The following VDAC1 variants were observed in gnomAD, a reference collection of about 807,000 sequenced individuals.
VDAC1 encodes voltage dependent anion channel 1, also known as non-selective voltage-gated ion channel VDAC1.
VDAC1 carries 10 observed loss-of-function variants against 34.7 expected under a neutral mutation model. The observed-to-expected ratio is 0.29, with a 90% confidence interval of 0.18 to 0.49. The LOEUF (loss-of-function observed/expected upper bound fraction) is 0.49. VDAC1 is among the 20% of genes least tolerant of loss of function. The probability of loss-of-function intolerance (pLI) is 0.99; values close to 1 mark genes in which losing one functional copy is unlikely to be tolerated. For missense variants in VDAC1, 230 were observed against 347.9 expected, an observed-to-expected ratio of 0.66 and a Z score of 2.69; for synonymous variants, 130 against 136.0, an observed-to-expected ratio of 0.96 and a Z score of 0.30.
At chr5:134,056,938 A>T in the VDAC1 span, among the ~76,000 whole-genome samples, 2 of 150,316 alleles carry the variant, frequency 1.3e-5, no homozygotes, top group Non-Finnish European at 3.0e-5. Context: ...CCCCCTCTCC[A>T]CCAGCCTCCC....
the VDAC1 span, among the ~76,000 whole-genome samples, chr5:134,072,326 T>C: frequency 6.6e-6 from 1 of 152,196 alleles, no homozygotes; most frequent in Non-Finnish European, 1.5e-5. Flanking sequence ...AGCCAGACTC[T>C]GTCCCACTGA....
chr5:133,985,933 TG>T (rs35172865), intron 5 of VDAC1, among the ~76,000 whole-genome samples: 1 of 152,222 alleles, frequency 6.6e-6, no homozygotes, highest in Non-Finnish European at 1.5e-5. Context: ...CCAGTTGACA[TG>T]GCACCCCCAC....
chr5:134,095,194 A>G, the VDAC1 span, among the ~76,000 whole-genome samples: 3 of 152,332 alleles, frequency 2.0e-5, no homozygotes, highest in Non-Finnish European at 4.4e-5. Context: ...CAAAAATCCA[A>G]GAGGAGGCTG....
chr5:134,068,386 A>T, the VDAC1 span, among the ~76,000 whole-genome samples: 3 of 144,488 alleles, frequency 2.1e-5, no homozygotes, highest in Non-Finnish European at 4.5e-5. Flanking sequence ...CAATGAGGGG[A>T]TGTATGTGAA....
chr5:133,995,830 C>G (rs551751956), intron 1 of VDAC1, among the ~76,000 whole-genome samples: 3 of 152,138 alleles, frequency 2.0e-5, no homozygotes, highest in African/African-American at 7.2e-5. Flanking sequence ...TTTTCTAAGG[C>G]GAGGACTGGA....
At chr5:134,039,576 G>A in the VDAC1 span, among the ~76,000 whole-genome samples, 32 of 152,150 alleles carry the variant, frequency 2.1e-4, no homozygotes, top group South Asian at 4.1e-4. Context: ...TGATCCGCCC[G>A]CCTTGGCCTC....
chr5:134,076,006 A>G, the VDAC1 span, among the ~76,000 whole-genome samples: 2 of 151,578 alleles, frequency 1.3e-5, no homozygotes, highest in Admixed American at 6.6e-5. Flanking sequence ...TTTGAGATGG[A>G]GTCTCCCTCT....
chr5:134,085,268 C>T, the VDAC1 span, among the ~76,000 whole-genome samples: 1 of 151,944 alleles, frequency 6.6e-6, no homozygotes, highest in Non-Finnish European at 1.5e-5. Flanking sequence ...CAGGGTTTCA[C>T]CATGTTAGCC....
chr5:134,033,251 G>A, the VDAC1 span, among the ~76,000 whole-genome samples: 20 of 147,958 alleles, frequency 1.4e-4, no homozygotes, highest in East Asian at 2.0e-3. Flanking sequence ...TCCACCTCCC[G>A]GGTTCAAGCG....
the VDAC1 span, among the ~76,000 whole-genome samples, chr5:134,077,161 C>T: frequency 6.6e-6 from 1 of 151,122 alleles, no homozygotes; most frequent in South Asian, 2.1e-4. Context: ...CCTGTAATCC[C>T]AGCTACTTGG....
chr5:134,056,534 G>T, the VDAC1 span, among the ~76,000 whole-genome samples: 1 of 151,016 alleles, frequency 6.6e-6, no homozygotes, highest in African/African-American at 2.4e-5. Context: ...TCACCTCCTG[G>T]GCTCAAGTGA....
intron 6 of VDAC1, among the ~76,000 whole-genome samples, chr5:133,979,217 G>C (rs1752593261): frequency 6.6e-6 from 1 of 152,056 alleles, no homozygotes. Flanking sequence ...ATATGTGGGG[G>C]AAATGGCTAA....
the VDAC1 span, among the ~76,000 whole-genome samples, chr5:134,111,609 T>C: frequency 2.6e-5 from 4 of 152,144 alleles, no homozygotes; most frequent in Non-Finnish European, 5.9e-5. Context: ...AGCAAAGGTC[T>C]TGGGCCCCCT....
chr5:134,045,744 T>G, the VDAC1 span, among the ~76,000 whole-genome samples: 1 of 152,008 alleles, frequency 6.6e-6, no homozygotes, highest in Admixed American at 6.6e-5. Context: ...GGTGCGATCC[T>G]GGCTCACTGC....
the VDAC1 span, among the ~76,000 whole-genome samples, chr5:134,072,066 G>A: frequency 1.3e-5 from 2 of 152,140 alleles, no homozygotes; most frequent in South Asian, 4.1e-4. Context: ...GGGTTCTCAA[G>A]TAGCTGAGCA....
chr5:134,007,424 G>A (rs1753774370), upstream of VDAC1, among the ~76,000 whole-genome samples: 1 of 152,072 alleles, frequency 6.6e-6, no homozygotes, highest in South Asian at 2.1e-4. Flanking sequence ...CACAGAGCAA[G>A]TTCCCGTCTC....
the VDAC1 span, among the ~76,000 whole-genome samples, chr5:134,028,131 T>C: frequency 6.6e-6 from 1 of 150,786 alleles, no homozygotes; most frequent in African/African-American, 2.4e-5. Context: ...CATTTATATA[T>C]TTATTTATTT....
intron 1 of VDAC1, among the ~76,000 whole-genome samples, chr5:134,003,051 A>T (rs1000444717): frequency 1.3e-3 from 192 of 152,108 alleles, no homozygotes; most frequent in African/African-American, 4.5e-3. Flanking sequence ...ACAAATACTC[A>T]ATAAGCACCT....
chr5:134,000,927 G>C (rs1054043629), intron 1 of VDAC1, among the ~76,000 whole-genome samples: 1 of 152,116 alleles, frequency 6.6e-6, no homozygotes, highest in Non-Finnish European at 1.5e-5. Flanking sequence ...TTGTTTAGCT[G>C]AACAGGTCCT....
Sources: gnomAD v4.1 joint callset for allele counts (sites outside exome capture counted in the v4.1 genomes callset) on GRCh38, gnomAD v4.1.1 for gene constraint, MANE v1.5 for transcripts, NCBI Gene and HGNC (gene_info 2026-07-23, HGNC 2026-07-21) for gene names.